The following STAG3 variants were observed in gnomAD, a reference collection of about 807,000 sequenced individuals.
STAG3 encodes the protein STAG3 cohesin complex component, also known as cohesin subunit SA-3.
A neutral mutation model predicts 160.7 loss-of-function variants in STAG3; 101 were observed. That is an observed-to-expected ratio of 0.63 (90% confidence interval 0.54 to 0.74). The LOEUF (loss-of-function observed/expected upper bound fraction) is 0.74, where lower values mean the gene tolerates loss of function less well. STAG3 is among the 30% of genes least tolerant of loss of function. The pLI, the probability that STAG3 is intolerant of heterozygous loss-of-function variation, is 0.00. For missense variants in STAG3, 1,188 were observed against 1,517.4 expected (o/e 0.78, Z 3.61); for synonymous variants, 519 against 585.0 (o/e 0.89, Z 1.63).
intron 31 of STAG3, 118 bp from the exon 32 acceptor site, chr7:100,211,677 C>T (rs1338620922): frequency 1.1e-5 from 16 of 1,397,680 alleles, no homozygotes; most frequent in South Asian, 3.7e-5. Flanking sequence ...TCAGCACAAT[C>T]GGGAAACTAC....
At chr7:100,196,850 C>T (rs568122619) in intron 9 of STAG3, among the ~76,000 whole-genome samples, 4 of 152,066 alleles carry the variant, frequency 2.6e-5, no homozygotes, top group African/African-American at 9.6e-5. Flanking sequence ...AAAATATTTA[C>T]TAACTGGGTA....
intron 21 of STAG3, 60 bp from the exon 22 acceptor site, chr7:100,201,726 G>T (rs1801151479): frequency 7.0e-7 from 1 of 1,429,838 alleles, no homozygotes; most frequent in African/African-American, 1.4e-5. Flanking sequence ...TGTGTTTCTG[G>T]CTATCTGTCT....
At chr7:100,203,261 T>C (rs1036613689) in intron 25 of STAG3, among the ~76,000 whole-genome samples, 5 of 151,542 alleles carry the variant, frequency 3.3e-5, no homozygotes, top group Admixed American at 2.6e-4. Flanking sequence ...CTCGGCTCAC[T>C]GCAACCTCTG....
Position 100,188,924 on chromosome 7 carries a change from A to C in STAG3, c.623A>C (p.Tyr208Ser), listed in dbSNP as rs1165337774. 1 of 1,614,220 alleles carries C rather than the reference A, an allele frequency of 6.2e-7. No individual in the cohort carries two copies. The highest frequency in any genetic ancestry group is 8.5e-7 in the Non-Finnish European group (1 of 1,180,034). The change falls in exon 7 of 34, where the codon TAT becomes TCT. Residue 208 changes from tyrosine to serine, a missense_variant. Tyr to Ser is a moderately radical substitution (Grantham distance 144). Transcript: ENST00000615138. ...TGTCAGTGCCAGTACAGCCTCCTCT[A>C]TGATGGCTTCCCTATGGACGACCTC... ...LVCQCQYSLL[Y>S]DGFPMDDLIS...
At chr7:100,216,130 G>A (rs1350004652), downstream of STAG3, among the ~76,000 whole-genome samples, 2 of 152,168 alleles carry the variant, frequency 1.3e-5, no homozygotes, top group Non-Finnish European at 2.9e-5. Flanking sequence ...TCAGGGAGCA[G>A]AGACAGCCCA....
downstream of STAG3, among the ~76,000 whole-genome samples, chr7:100,216,315 TTA>T (rs1185438466): frequency 6.6e-6 from 1 of 151,466 alleles, no homozygotes; most frequent in Non-Finnish European, 1.5e-5. Context: ...AAATTGTAAG[TTA>T]TATAAACATA....
chr7:100,205,394 T>G lies in STAG3; in HGVS notation c.3238+10T>G. ...AGGAGGCGCGTTGAAGGTAGGGTGCTGTGTGTGGGTATGGGGGTGCCCAGC... is the reference window on the plus strand; with the variant it reads ...AGGAGGCGCGTTGAAGGTAGGGTGCGGTGTGTGGGTATGGGGGTGCCCAGC... On this transcript the variant is annotated intron_variant, in intron 29 of 33. Transcript: ENST00000615138. The G allele has an allele frequency of 6.2e-7, 1 of 1,606,642 alleles. No individual in the cohort carries two copies. Among genetic ancestry groups the G allele is most frequent in the Non-Finnish European group, 8.5e-7 (1 of 1,176,600 alleles).
chr7:100,213,607 G>T, intron 32 of STAG3, 128 bp from the exon 33 acceptor site: 2 of 1,516,298 alleles, frequency 1.3e-6, no homozygotes, highest in South Asian at 1.3e-5. Flanking sequence ...TCCCTCCCAG[G>T]AGGTGCCATA....
At chr7:100,215,086 A>AAGC (rs937434199), downstream of STAG3, 3 of 152,212 alleles carry the variant, frequency 2.0e-5, no homozygotes, top group Non-Finnish European at 2.9e-5. Context: ...TCCCTCTGAC[A>AAGC]AGCAGTATTT....
chr7:100,195,647 G>C (rs1211332790), intron 9 of STAG3, among the ~76,000 whole-genome samples: 1 of 152,226 alleles, frequency 6.6e-6, no homozygotes, highest in African/African-American at 2.4e-5. Flanking sequence ...CTTTGCCCCA[G>C]ATCTGCCCCA....
intron 25 of STAG3, 27 bp from the exon 26 acceptor site, chr7:100,203,994 A>G (rs371389903): frequency 1.3e-5 from 20 of 1,521,798 alleles, no homozygotes; most frequent in Middle Eastern, 1.7e-4. Flanking sequence ...CCAGTCAGAC[A>G]TTACCTTCCC....
chr7:100,214,948 C>A (rs532756863), downstream of STAG3: 5 of 152,246 alleles, frequency 3.3e-5, no homozygotes, highest in African/African-American at 1.2e-4. Flanking sequence ...GTCCTCCACA[C>A]ATTGTCACCA....
At chr7:100,217,747 A>G (rs1351188636), downstream of STAG3, among the ~76,000 whole-genome samples, 1 of 151,014 alleles carries the variant, frequency 6.6e-6, no homozygotes, top group African/African-American at 2.5e-5. Context: ...GCCGAGGCGG[A>G]GAGAGAGAGG....
At chr7:100,199,217 T>C (rs1268803860) in intron 14 of STAG3, 45 bp from the exon 15 acceptor site, 3 of 1,336,032 alleles carry the variant, frequency 2.2e-6, no homozygotes, top group Non-Finnish European at 2.2e-6. Context: ...TCGTAGGGTA[T>C]TTTTAACATG....
At chr7:100,217,956 CTG>C (rs1163880544), downstream of STAG3, among the ~76,000 whole-genome samples, 1 of 150,674 alleles carries the variant, frequency 6.6e-6, no homozygotes, top group African/African-American at 2.4e-5. Context: ...GCGGGCCTGA[CTG>C]ATGTCAGGCC....
intron 29 of STAG3, among the ~76,000 whole-genome samples, chr7:100,209,717 T>G (rs1351029530): frequency 6.6e-6 from 1 of 152,042 alleles, no homozygotes. Context: ...ATGGTGGAGG[T>G]GCCGAGAAAC....
At chr7:100,203,253 C>T (rs950364847) in intron 25 of STAG3, among the ~76,000 whole-genome samples, 2 of 151,168 alleles carry the variant, frequency 1.3e-5, no homozygotes, top group Non-Finnish European at 2.9e-5. Context: ...GGCACTATCT[C>T]GGCTCACTGC....
intron 4 of STAG3, 28 bp from the exon 5 acceptor site, chr7:100,186,172 A>G: frequency 6.4e-7 from 1 of 1,568,656 alleles, no homozygotes; most frequent in African/African-American, 1.3e-5. Context: ...TGCCAGAAAC[A>G]GAAGTCATCT....
rs1801724384 is a variant in STAG3, at chr7:100,207,129, C to T, written c.3238+1745C>T. 6.6e-6 allele frequency among the ~76,000 whole-genome samples: 1 copy of T among 152,224 alleles called. No homozygotes were observed. ...GGATATGCCACATTCTACTTATCCACTTGTCAGTTGATTGACATTTGGGCT... is the reference window on the plus strand; with the variant it reads ...GGATATGCCACATTCTACTTATCCATTTGTCAGTTGATTGACATTTGGGCT... On this transcript the variant is annotated intron_variant, in intron 29 of 33. Coordinates refer to ENST00000615138, the MANE Select transcript of STAG3 (RefSeq NM_001282717.2). The surrounding 1 kb of genome is among the most constrained non-coding windows in gnomAD (Gnocchi z 4.0).
Sources: gnomAD v4.1 joint callset for allele counts (sites outside exome capture counted in the v4.1 genomes callset) on GRCh38, gnomAD v4.1.1 for gene constraint, Gnocchi (gnomAD v3.1) non-coding constraint, MANE v1.5 for transcripts, NCBI Gene and HGNC (gene_info 2026-07-23, HGNC 2026-07-21) for gene names.